Variants in TMCC1 observed in about 807,000 individuals in gnomAD.
The protein encoded by TMCC1 is transmembrane and coiled-coil domain family 1, also known as transmembrane and coiled-coil domains protein 1.
TMCC1 carries 15 observed loss-of-function variants against 52.4 expected under a neutral mutation model. The ratio of observed to expected loss-of-function variants is 0.29; its 90% confidence interval spans 0.19 to 0.44. The LOEUF is 0.44. Among genes scored for constraint, TMCC1 ranks in the 20% least tolerant of loss-of-function variants. The pLI is 1.00. For missense variants in TMCC1, 503 were observed against 806.0 expected, an observed-to-expected ratio of 0.62 and a Z score of 4.55; for synonymous variants, 279 against 301.9, an observed-to-expected ratio of 0.92 and a Z score of 0.79.
At chr3:129,838,222 T>C (rs1015605891) in intron 2 of TMCC1, among the ~76,000 whole-genome samples, 6 of 151,300 alleles carry the variant, frequency 4.0e-5, no homozygotes, top group African/African-American at 1.5e-4. Context: ...CTGGGCAGCA[T>C]AGGGAGACCT....
At chr3:129,670,267 C>A in intron 5 of TMCC1, 63 bp downstream of exon 5, 4 of 1,515,828 alleles carry the variant, frequency 2.6e-6, no homozygotes, top group Non-Finnish European at 3.6e-6. Flanking sequence ...AGCCATTTCC[C>A]CATATCTAAA....
chr3:129,738,894 CA>C (rs2051215480), intron 4 of TMCC1, among the ~76,000 whole-genome samples: 2 of 152,290 alleles, frequency 1.3e-5, no homozygotes, highest in Admixed American at 1.3e-4. Flanking sequence ...TCTCAGCTCC[CA>C]GCAACCTCCG....
rs1430206020 is a variant in TMCC1 at position 129,759,815 on chromosome 3, G to A, written c.576+67988C>T. Among the ~76,000 whole-genome samples, 7 of 140,044 alleles carry A rather than the reference G, an allele frequency of 5.0e-5. No homozygotes were observed. In the East Asian group the frequency reaches 1.3e-3, roughly 26 times the overall value. The allele number at this position is 140,044 out of a possible 152,430, so 91.9% of individuals were successfully genotyped here. On this transcript the variant is annotated intron_variant, in intron 4 of 6. Coordinates refer to ENST00000393238, the MANE Select transcript of TMCC1 (RefSeq NM_001017395.5). ...CGGCTCACTGCAAGCTCCGCCTCCC[G>A]GGTTCACGCCATTCTCCTGCCTCAG... is the stretch of plus-strand genomic sequence containing the variant.
intron 4 of TMCC1, among the ~76,000 whole-genome samples, chr3:129,690,556 C>T (rs1287703932): frequency 6.6e-6 from 1 of 152,132 alleles, no homozygotes; most frequent in Non-Finnish European, 1.5e-5. Flanking sequence ...TTTGCAAGGC[C>T]ATGTGACTAG....
In TMCC1 at chr3:129,671,256, C is replaced by A; in HGVS notation, c.585G>T (p.Arg195=). 1 of 1,609,804 alleles carries A rather than the reference C, an allele frequency of 6.2e-7. No homozygotes were observed. Among genetic ancestry groups the A allele is most frequent in the Non-Finnish European group, 8.5e-7 (1 of 1,177,258 alleles). Residue 195 remains arginine (R), a synonymous_variant, in exon 5 of 7, where the codon CGG becomes CGT. Transcript: ENST00000393238. ...GEEGTAERIE[R]LEVSSLAQTS... ...TTTGGGCAAGGCTGCTTACTTCCAA[C>A]CGTTCGATCTAGTGTAAAAACAAGA...
chr3:129,797,709 C>T (rs190569199), intron 4 of TMCC1, among the ~76,000 whole-genome samples: 6 of 152,270 alleles, frequency 3.9e-5, no homozygotes, highest in Admixed American at 2.6e-4. Context: ...CATGCCACTG[C>T]ACTCCAGCCT....
intron 4 of TMCC1, chr3:129,688,054 G>T: frequency 1.4e-6 from 1 of 696,550 alleles, no homozygotes; most frequent in Non-Finnish European, 1.8e-6. Context: ...TGGTTCCCTT[G>T]GTCATCCTTT....
chr3:129,884,237 T>A (rs774565065), intron 1 of TMCC1, among the ~76,000 whole-genome samples: 6 of 152,098 alleles, frequency 3.9e-5, no homozygotes, highest in Non-Finnish European at 5.9e-5. Flanking sequence ...AGGTAAAATA[T>A]ATGAATAAAC....
chr3:129,806,202 C>T (rs1377035332), intron 4 of TMCC1, among the ~76,000 whole-genome samples: 1 of 152,128 alleles, frequency 6.6e-6, no homozygotes, highest in Non-Finnish European at 1.5e-5. Context: ...GAGGGTTGAA[C>T]AGACTTATCT....
chr3:129,750,736 G>A (rs1389815311), intron 4 of TMCC1, among the ~76,000 whole-genome samples: 2 of 149,168 alleles, frequency 1.3e-5, no homozygotes, highest in African/African-American at 2.5e-5. Context: ...CACCATGCCC[G>A]GCTAATTTTT....
chr3:129,795,608 A>C (rs1299878470), intron 4 of TMCC1, among the ~76,000 whole-genome samples: 1 of 152,234 alleles, frequency 6.6e-6, no homozygotes, highest in Non-Finnish European at 1.5e-5. Flanking sequence ...TTATCAAAAC[A>C]ACCTTATAAA....
chr3:129,651,256 T>C lies in TMCC1; in HGVS notation c.*225A>G. ...ATTTGCATCCCAAGGAAAATCATGC[T>C]ACATAAAAATGATCCAAGATTTTCG... On this transcript the variant is annotated 3_prime_UTR_variant, in exon 7 of 7. Coordinates refer to ENST00000393238, the MANE Select transcript of TMCC1 (RefSeq NM_001017395.5). The surrounding 1 kb of genome is among the most constrained non-coding windows in gnomAD (Gnocchi z 5.1). 1.9e-6 allele frequency: 1 copy of C among 537,310 alleles called. No homozygotes were observed. Among genetic ancestry groups the C allele is most frequent in the Non-Finnish European group, 3.3e-6 (1 of 306,854 alleles). 33.3% of individuals were successfully genotyped at this position (537,310 alleles called of 1,614,324 possible).
At chr3:129,738,099 C>A (rs2051131063) in intron 4 of TMCC1, among the ~76,000 whole-genome samples, 1 of 151,712 alleles carries the variant, frequency 6.6e-6, no homozygotes, top group African/African-American at 2.4e-5. Flanking sequence ...GGCAAAACCC[C>A]ATCTCTACTA....
intron 4 of TMCC1, among the ~76,000 whole-genome samples, chr3:129,724,001 G>C (rs1313833263): frequency 2.0e-5 from 3 of 151,370 alleles, no homozygotes; most frequent in African/African-American, 7.3e-5. Flanking sequence ...GCTTGTGAGA[G>C]AGGAGGAGGA....
At position 129,827,955 on chromosome 3, in the gene TMCC1, C is replaced by A. The variant is rs747035864; in HGVS notation, c.424G>T (p.Gly142Cys). 1 of 1,613,992 alleles carries A rather than the reference C, an allele frequency of 6.2e-7. No homozygotes were observed. The highest frequency in any genetic ancestry group is 1.3e-5 in the African/African-American group (1 of 74,904). ...KGSPQINRKS[G>C]QEMTAVMQSG... Reference sequence around the variant, plus strand: ...TGCATAACAGCTGTCATCTCCTGACCAGACTTCCTGTTGATTTGGGGACTT... The same window carrying A: ...TGCATAACAGCTGTCATCTCCTGACAAGACTTCCTGTTGATTTGGGGACTT... Residue 142 changes from glycine (G) to cysteine (C), a missense_variant, in exon 4 of 7, where the codon GGT becomes TGT. Coordinates refer to ENST00000393238, the MANE Select transcript of TMCC1 (RefSeq NM_001017395.5).
chr3:129,734,328 A>T (rs868448762), intron 4 of TMCC1, among the ~76,000 whole-genome samples: 3 of 152,248 alleles, frequency 2.0e-5, no homozygotes, highest in Non-Finnish European at 4.4e-5. Context: ...ACAGACTTGC[A>T]TAACATGTAG....
chr3:129,724,071 G>A (rs2049883127), intron 4 of TMCC1, among the ~76,000 whole-genome samples: 1 of 152,118 alleles, frequency 6.6e-6, no homozygotes, highest in Non-Finnish European at 1.5e-5. Context: ...ACTGTGGCAT[G>A]AGGTCAGCAG....
At chr3:129,775,967 C>T (rs1219905644) in intron 4 of TMCC1, among the ~76,000 whole-genome samples, 1 of 152,110 alleles carries the variant, frequency 6.6e-6, no homozygotes, top group African/African-American at 2.4e-5. Context: ...GACACATACC[C>T]TTCATCTTTA....
intron 4 of TMCC1, among the ~76,000 whole-genome samples, chr3:129,733,395 A>G (rs780369839): frequency 6.6e-6 from 1 of 152,230 alleles, no homozygotes; most frequent in African/African-American, 2.4e-5. Flanking sequence ...CTTGGCTTCT[A>G]AGAAACAGAT....
Sources: allele counts gnomAD v4.1 joint callset (sites outside exome capture counted in the v4.1 genomes callset), GRCh38; gene constraint gnomAD v4.1.1; non-coding constraint Gnocchi (gnomAD v3.1); transcripts MANE v1.5; gene names NCBI Gene and HGNC (gene_info 2026-07-23, HGNC 2026-07-21).